Variants in TNXB observed in about 807,000 individuals in gnomAD.
TNXB encodes the protein tenascin XB, also known as tenascin-X.
TNXB carries 183 observed loss-of-function variants against 340.5 expected under a neutral mutation model. That is an observed-to-expected ratio of 0.54 (90% CI 0.48 to 0.61). The LOEUF (loss-of-function observed/expected upper bound fraction) is 0.61, where lower values mean the gene tolerates loss of function less well. Among genes scored for constraint, TNXB ranks in the 20% least tolerant of loss-of-function variants. TNXB has a pLI of 0.00. For synonymous variants in TNXB, 2,121 were observed against 2,314.5 expected (o/e 0.92, Z 2.40); for missense variants, 4,613 against 5,446.4 (o/e 0.85, Z 4.82).
chr6:32,048,293 C>T (rs910417935), intron 29 of TNXB, 70 bp downstream of exon 29: 13 of 1,433,684 alleles, frequency 9.1e-6, no homozygotes, highest in Admixed American at 4.8e-5. Flanking sequence ...GGGCACAGAA[C>T]GTGAAATTCC....
chr6:32,091,433 T>A (rs1780068964), intron 4 of TNXB, among the ~76,000 whole-genome samples: 1 of 149,944 alleles, frequency 6.7e-6, no homozygotes, highest in Admixed American at 6.7e-5. Flanking sequence ...TCTAAACAGA[T>A]GCTGGCAGCT....
intron 1 of TNXB, among the ~76,000 whole-genome samples, chr6:32,102,541 A>G (rs533254000): frequency 6.6e-6 from 1 of 152,176 alleles, no homozygotes; most frequent in South Asian, 2.1e-4. Context: ...GAATGCTCTT[A>G]TACTCTTATA....
chr6:32,093,888 A>C (rs149228301), intron 4 of TNXB, among the ~76,000 whole-genome samples: 2 of 151,934 alleles, frequency 1.3e-5, no homozygotes, highest in Non-Finnish European at 2.9e-5. Flanking sequence ...CCAGGAGTTC[A>C]GGACCAGCCT....
Position 32,069,598 on chromosome 6 carries a change from G to A in TNXB, c.5542C>T (p.His1848Tyr). ...HRYKLLLYGLHHGKRVGPISA... is the reference protein window; with the variant it reads ...HRYKLLLYGLYHGKRVGPISA... Reference sequence around the variant, plus strand: ...ATGGGGCCCACACGCTTGCCGTGGTGCAGCCCGTAGAGCAGCAGCTTGTAC... The same window carrying A: ...ATGGGGCCCACACGCTTGCCGTGGTACAGCCCGTAGAGCAGCAGCTTGTAC... Residue 1848 changes from histidine (H) to tyrosine (Y), a missense_variant, in exon 15 of 44, where the codon CAC (histidine) becomes TAC (tyrosine). His to Tyr is a moderately conservative substitution (Grantham distance 83, BLOSUM62 2). Around this residue, in one of 7 missense-constraint regions of TNXB, gnomAD observed 4,327 missense variants for 4,859.4 expected, o/e 0.89. Coordinates refer to ENST00000644971, the MANE Select transcript of TNXB (RefSeq NM_001365276.2). This position sits in a 1 kb window ranked among gnomAD's most constrained non-coding sequence, Gnocchi z 6.2. The A allele has an allele frequency of 4.4e-6, 7 of 1,599,108 alleles. No homozygotes were observed. Among genetic ancestry groups the A allele is most frequent in the Non-Finnish European group, 6.0e-6 (7 of 1,170,324 alleles).
Position 32,064,043 on chromosome 6 carries a change from C to T in TNXB, c.6841+778G>A, listed in dbSNP as rs778092676. Among the ~76,000 whole-genome samples, 18 of 152,118 alleles carry T rather than the reference C, an allele frequency of 1.2e-4. No individual in the cohort carries two copies. The highest frequency in any genetic ancestry group is 1.8e-4 in the Non-Finnish European group (12 of 68,020). On this transcript the variant is annotated intron_variant, in intron 19 of 43. Transcript: ENST00000644971. The surrounding 1 kb of genome is among the most constrained non-coding windows in gnomAD (Gnocchi z 5.3). ...GATAATTATGAGAATTTGCCCTAAGCGGTTTTCAGGAACTACCTACCTTCC... is the reference window on the plus strand; with the variant it reads ...GATAATTATGAGAATTTGCCCTAAGTGGTTTTCAGGAACTACCTACCTTCC...
chr6:32,043,645 G>C (rs1237475289), intron 35 of TNXB, 89 bp from the exon 36 acceptor site: 3 of 1,552,244 alleles, frequency 1.9e-6, no homozygotes, highest in Non-Finnish European at 2.7e-6. Flanking sequence ...GTCCGCAATC[G>C]GAGCCTCCAC....
At position 32,072,179 on chromosome 6, in the gene TNXB, C is replaced by T; in HGVS notation, c.4801G>A (p.Glu1601Lys). Residue 1601 changes from glutamate (E) to lysine (K), a missense_variant, in exon 13 of 44, where the codon GAG becomes AAG. Transcript: ENST00000644971. This position sits in a 1 kb window ranked among gnomAD's most constrained non-coding sequence, Gnocchi z 4.4. ...ACCACAAAGGAGTCGAATTCACCCT[C>T]AGGGACTGTCCATGAGAGGCCCACA... ...DSVGLSWTVP[E>K]GEFDSFVVQY... is the part of the protein sequence containing the mutation. The T allele has an allele frequency of 6.2e-7, 1 of 1,613,498 alleles. No individual in the cohort carries two copies. The highest frequency in any genetic ancestry group is 8.5e-7 in the Non-Finnish European group (1 of 1,179,686).
Position 32,062,307 on chromosome 6 carries a change from C to T in TNXB, c.7018G>A (p.Gly2340Arg). The T allele has an allele frequency of 6.2e-7, 1 of 1,613,512 alleles. No individual in the cohort carries two copies. Among genetic ancestry groups the T allele is most frequent in the South Asian group, 1.1e-5 (1 of 91,082 alleles). Residue 2340 changes from glycine (G) to arginine (R), a missense_variant, in exon 20 of 44, where the codon GGG becomes AGG. Physicochemically the swap from Gly to Arg is moderately radical, Grantham distance 125. Around this residue, in one of 7 missense-constraint regions of TNXB, gnomAD observed 4,327 missense variants for 4,859.4 expected, o/e 0.89. Transcript: ENST00000644971. This position sits in a 1 kb window ranked among gnomAD's most constrained non-coding sequence, Gnocchi z 4.3. ...FDHFLVQYKN[G>R]DGQPKATRVP... ...CGTGTTGCCTTGGGCTGCCCATCCC[C>T]ATTCTTGTACTGGACCAGGAAGTGG...
At position 32,090,403 on chromosome 6, in the gene TNXB, C is replaced by A. The variant is rs1780023072; in HGVS notation, c.2359-1024G>T. Among the ~76,000 whole-genome samples, 1 of 152,202 alleles carries A rather than the reference C, an allele frequency of 6.6e-6. No homozygotes were observed. The highest frequency in any genetic ancestry group is 1.5e-5 in the Non-Finnish European group (1 of 68,042). ...AGGCAGGGTCTCCTGGAATGCCCAC[C>A]ACTGGGGAAACAGGAGGAACTGTAC... On this transcript the variant is annotated intron_variant, in intron 4 of 43. Transcript: ENST00000644971. This position sits in a 1 kb window ranked among gnomAD's most constrained non-coding sequence, Gnocchi z 4.3.
In TNXB at chr6:32,070,341, G is replaced by T. The variant is rs1158349501; in HGVS notation, c.5064C>A (p.Asp1688Glu). The T allele has an allele frequency of 1.2e-6, 2 of 1,609,750 alleles. No individual in the cohort carries two copies. Among genetic ancestry groups the T allele is most frequent in the South Asian group, 2.2e-5 (2 of 90,222 alleles). Residue 1688 changes from aspartate (D) to glutamate (E), a missense_variant, in exon 14 of 44, where the codon GAC becomes GAA. Physicochemically the swap from Asp to Glu is conservative, Grantham distance 45. This residue lies in a region of TNXB where 4,327 missense variants were observed against 4,859.4 expected (regional missense o/e 0.89). Transcript: ENST00000644971. This position sits in a 1 kb window ranked among gnomAD's most constrained non-coding sequence, Gnocchi z 6.0. ...GELWVTDPTP[D>E]SLRLSWTVPE... ...GAACCGTCCAGGAGAGGCGCAGTGA[G>T]TCTGGGGTGGGGTCTGTCACCCACA...
In TNXB at chr6:32,049,517, C is replaced by A; in HGVS notation, c.9510G>T (p.Gly3170=). Residue 3170 remains glycine, a synonymous_variant, in exon 28 of 44, where the codon GGG becomes GGT. Coordinates refer to ENST00000644971, the MANE Select transcript of TNXB (RefSeq NM_001365276.2). The surrounding 1 kb of genome is among the most constrained non-coding windows in gnomAD (Gnocchi z 4.5). The part of the protein sequence containing the change: ...APEAPEEPLL[G]ELTVTGSSPD... ...GGGAGGATCCTGTCACTGTCAACTC[C>A]CCCAGGAGCGGCTCCTCAGGGGCCT... 6.2e-7 allele frequency: 1 copy of A among 1,612,570 alleles called. No individual in the cohort carries two copies. Among genetic ancestry groups the A allele is most frequent in the Non-Finnish European group, 8.5e-7 (1 of 1,179,854 alleles).
Position 32,097,278 on chromosome 6 carries a change from T to C in TNXB, c.575A>G (p.Asn192Ser), listed in dbSNP as rs937144519. 6 of 1,613,068 alleles carry C rather than the reference T, an allele frequency of 3.7e-6. No individual in the cohort carries two copies. The African/African-American group carries it at 4.0e-5, about 11-fold the overall frequency. The change falls in exon 3 of 44, where the codon AAT (asparagine) becomes AGT (serine). Residue 192 changes from asparagine (N) to serine (S), a missense_variant. By Grantham distance (46) the Asn-to-Ser change is conservative. Coordinates refer to ENST00000644971, the MANE Select transcript of TNXB (RefSeq NM_001365276.2). This position sits in a 1 kb window ranked among gnomAD's most constrained non-coding sequence, Gnocchi z 5.9. ...SASGSCPDDC[N>S]DQGRCVRGRC... Reference sequence around the variant, plus strand: ...ACCACGGACACAGCGACCCTGATCATTGCAGTCATCTGGGCAGGACCCCGA... The same window carrying C: ...ACCACGGACACAGCGACCCTGATCACTGCAGTCATCTGGGCAGGACCCCGA...
At position 32,067,186 on chromosome 6, in the gene TNXB, A is replaced by AGAAAGAAAGAAAGAAAGAAAG. The variant is rs1778424558; in HGVS notation, c.6544+474_6544+475insCTTTCTTTCTTTCTTTCTTTC. Reference sequence around the variant, plus strand: ...AAGAAAGAAAGAAAGAAAGAAAGAAAACATTCTAGTGATTCTAGTGGAGGA... The same window carrying AGAAAGAAAGAAAGAAAGAAAG: ...AAGAAAGAAAGAAAGAAAGAAAGAAAGAAAGAAAGAAAGAAAGAAAGACATTCTAGTGATTCTAGTGGAGGA... On this transcript the variant is annotated intron_variant, in intron 18 of 43. Coordinates refer to ENST00000644971, the MANE Select transcript of TNXB (RefSeq NM_001365276.2). This position sits in a 1 kb window ranked among gnomAD's most constrained non-coding sequence, Gnocchi z 4.2. 6.6e-6 allele frequency among the ~76,000 whole-genome samples: 1 copy of AGAAAGAAAGAAAGAAAGAAAG among 151,706 alleles called. No individual in the cohort carries two copies.
rs1251787131 is a variant in TNXB, at chr6:32,046,217, C to T, written c.10564G>A (p.Gly3522Arg). The T allele has an allele frequency of 1.3e-6, 2 of 1,598,404 alleles. No individual in the cohort carries two copies. Among genetic ancestry groups the T allele is most frequent in the Non-Finnish European group, 1.7e-6 (2 of 1,172,060 alleles). The change falls in exon 31 of 44, where the codon GGG becomes AGG. Residue 3522 changes from glycine to arginine, a missense_variant. Physicochemically the swap from Gly to Arg is moderately radical, Grantham distance 125. Around this residue, in one of 7 missense-constraint regions of TNXB, gnomAD observed 4,327 missense variants for 4,859.4 expected, o/e 0.89. Coordinates refer to ENST00000644971, the MANE Select transcript of TNXB (RefSeq NM_001365276.2). The surrounding 1 kb of genome is among the most constrained non-coding windows in gnomAD (Gnocchi z 6.9). ...KYKFLLYGLL[G>R]GKRLGPVSAL... ...GAGACCGGGCCCAGGCGCTTTCCCC[C>T]AAGGAGCCCGTAGAGCAGAAACTTG...
chr6:32,048,219 G>T, intron 29 of TNXB, 144 bp downstream of exon 29: 1 of 1,041,716 alleles, frequency 9.6e-7, no homozygotes, highest in Non-Finnish European at 1.4e-6. Flanking sequence ...AGTGGGAGAG[G>T]AGAGCTCAGG....
Position 32,096,229 on chromosome 6 carries a change from C to G in TNXB, c.1624G>C (p.Val542Leu), listed in dbSNP as rs769839272. The stretch of plus-strand genomic sequence containing the variant: ...GAGTAGCCTGCGTCACACACGCACA[C>G]GCCATCCTCGCAAAGGCCGTGCCCA... ...CRGHGLCEDGVCVCDAGYSGE... is the reference protein window; with the variant it reads ...CRGHGLCEDGLCVCDAGYSGE... The change falls in exon 3 of 44, where the codon GTG becomes CTG. Residue 542 changes from valine to leucine, a missense_variant. Transcript: ENST00000644971. The G allele has an allele frequency of 6.4e-7, 1 of 1,568,860 alleles. No individual in the cohort carries two copies. The highest frequency in any genetic ancestry group is 1.4e-5 in the African/African-American group (1 of 73,718).
Position 32,072,380 on chromosome 6 carries a change from G to A in TNXB, c.4682-82C>T, listed in dbSNP as rs929322503. The A allele has an allele frequency of 3.1e-5, 36 of 1,179,176 alleles. No individual in the cohort carries two copies. Among genetic ancestry groups the A allele is most frequent in the Non-Finnish European group, 3.7e-5 (32 of 863,142 alleles). The allele number at this position is 1,179,176 out of a possible 1,614,324, so 73.0% of individuals were successfully genotyped here. A position where few individuals can be genotyped will look rare whatever the true frequency, so the allele number is the denominator to read the frequency against. The stretch of plus-strand genomic sequence containing the variant: ...GCTTTGAGGGCCTCAGGGGGGCTGT[G>A]AACTGAGATGGGGAATAGTTACACC... On this transcript the variant is annotated intron_variant, in intron 12 of 43. Transcript: ENST00000644971. This position sits in a 1 kb window ranked among gnomAD's most constrained non-coding sequence, Gnocchi z 4.4.
chr6:32,082,435 A>G lies in TNXB; in HGVS notation c.3446-109T>C, dbSNP rs1200991825. ...AGGCTGTGCAGGTTGTTCACTGCAC[A>G]AAAGTGCATTTGCTGAGGGAGTACA... On this transcript the variant is annotated intron_variant, in intron 8 of 43. Coordinates refer to ENST00000644971, the MANE Select transcript of TNXB (RefSeq NM_001365276.2). This position sits in a 1 kb window ranked among gnomAD's most constrained non-coding sequence, Gnocchi z 5.0. The G allele has an allele frequency of 2.6e-6, 3 of 1,161,890 alleles. No individual in the cohort carries two copies. The highest frequency in any genetic ancestry group is 3.1e-5 in the African/African-American group (2 of 65,188). The allele number at this position is 1,161,890 out of a possible 1,614,324, so 72.0% of individuals were successfully genotyped here.
At chr6:32,091,735 A>G (rs539349800) in intron 4 of TNXB, among the ~76,000 whole-genome samples, 3 of 152,232 alleles carry the variant, frequency 2.0e-5, no homozygotes, top group East Asian at 3.9e-4. Flanking sequence ...TGGCCTCCCA[A>G]AGTGCTGGGA....
Sources: gnomAD v4.1 joint callset for allele counts (sites outside exome capture counted in the v4.1 genomes callset) on GRCh38, gnomAD v4.1.1 for gene constraint, gnomAD v4.1.1 regional missense constraint, Gnocchi (gnomAD v3.1) non-coding constraint, MANE v1.5 for transcripts, NCBI Gene and HGNC (gene_info 2026-07-23, HGNC 2026-07-21) for gene names.